PHF24: variants seen among roughly 807,000 people sequenced by gnomAD.
The protein encoded by PHF24 is Galpha inhibitory interacting protein.
A neutral mutation model predicts 42.6 loss-of-function variants in PHF24; 25 were observed. The observed-to-expected ratio is 0.59, with a 90% CI of 0.43 to 0.82. PHF24 has a LOEUF of 0.82. Ranked by LOEUF, PHF24 falls within the 40% of genes least tolerant of loss-of-function variation. The probability of loss-of-function intolerance (pLI) is 0.00; values close to 1 mark genes in which losing one functional copy is unlikely to be tolerated. For synonymous variants in PHF24, 185 were observed against 204.8 expected, an observed-to-expected ratio of 0.90 and a Z score of 0.83; for missense variants, 470 against 538.1, an observed-to-expected ratio of 0.87 and a Z score of 1.25.
At chr9:34,885,275 A>T in the PHF24 span, among the ~76,000 whole-genome samples, 2 of 152,190 alleles carry the variant, frequency 1.3e-5, no homozygotes, top group Non-Finnish European at 2.9e-5. Flanking sequence ...CAGAGGACAG[A>T]CACATCCATG....
chr9:34,760,354 T>G, the PHF24 span, among the ~76,000 whole-genome samples: 3 of 152,192 alleles, frequency 2.0e-5, no homozygotes, highest in African/African-American at 7.2e-5. Context: ...GACTTGTCTC[T>G]CCACATAAGC....
chr9:34,690,261 C>T, the PHF24 span: 2 of 1,614,026 alleles, frequency 1.2e-6, no homozygotes, highest in African/African-American at 2.7e-5. Context: ...GTGGAAGTTC[C>T]TCACGATGTA....
the PHF24 span, chr9:34,922,576 AT>A: frequency 1.6e-4 from 153 of 967,380 alleles, no homozygotes; most frequent in African/African-American, 1.8e-3. Flanking sequence ...AAATAGAAGA[AT>A]TTGCTCTCGC....
At chr9:34,819,901 C>T in the PHF24 span, among the ~76,000 whole-genome samples, 1 of 152,070 alleles carries the variant, frequency 6.6e-6, no homozygotes, top group East Asian at 1.9e-4. Context: ...GGCTGGAAAT[C>T]TTCAATTTTA....
the PHF24 span, among the ~76,000 whole-genome samples, chr9:34,790,617 A>T: frequency 1.3e-5 from 2 of 152,232 alleles, no homozygotes; most frequent in Non-Finnish European, 2.9e-5. Context: ...AACAAAACAA[A>T]ATCCTTGCCC....
chr9:34,666,353 TCTGCC>T, the PHF24 span, among the ~76,000 whole-genome samples: 4 of 152,256 alleles, frequency 2.6e-5, no homozygotes, highest in Admixed American at 2.6e-4. Flanking sequence ...TCCCTGGGCT[TCTGCC>T]CTGCCGAGTG....
At chr9:34,728,726 A>C in the PHF24 span, 1 of 1,369,450 alleles carries the variant, frequency 7.3e-7, no homozygotes, top group African/African-American at 1.4e-5. Flanking sequence ...ATGAGACAAA[A>C]CTTACATACA....
chr9:34,911,617 G>A, the PHF24 span, among the ~76,000 whole-genome samples: 1 of 152,142 alleles, frequency 6.6e-6, no homozygotes, highest in East Asian at 1.9e-4. Context: ...ATAAAAGGAA[G>A]GACAATAGGA....
chr9:34,764,069 G>A, the PHF24 span, among the ~76,000 whole-genome samples: 4 of 152,038 alleles, frequency 2.6e-5, no homozygotes, highest in African/African-American at 7.2e-5. Flanking sequence ...TGGTGGATAA[G>A]CTTTTTGATG....
At chr9:34,976,411 C>A in intron 4 of PHF24, 124 bp from the exon 5 acceptor site, 1 of 1,118,996 alleles carries the variant, frequency 8.9e-7, no homozygotes, top group Non-Finnish European at 1.3e-6. Context: ...GTGACCCTGG[C>A]CATGGGAGGC....
chr9:34,877,151 C>T, the PHF24 span, among the ~76,000 whole-genome samples: 1,095 of 151,758 alleles, frequency 7.2e-3, 16 homozygotes, highest in African/African-American at 0.025. Flanking sequence ...TGTGGTGGCA[C>T]ACGCCTATAA....
chr9:34,868,327 A>G, the PHF24 span, among the ~76,000 whole-genome samples: 2 of 152,234 alleles, frequency 1.3e-5, no homozygotes, highest in Non-Finnish European at 2.9e-5. Flanking sequence ...CATTCATTCA[A>G]CAAAGTATAT....
the PHF24 span, among the ~76,000 whole-genome samples, chr9:34,935,742 GGGGT>G: frequency 6.0e-5 from 9 of 150,792 alleles, no homozygotes; most frequent in African/African-American, 1.2e-4. Flanking sequence ...GTGTGGGGGG[GGGGT>G]GTGTGTGTGT....
In PHF24 at chr9:34,972,367, G is replaced by A. The variant is rs1827023365; in HGVS notation, c.400G>A (p.Asp134Asn). Residue 134 changes from aspartate (D) to asparagine (N), a missense_variant, in exon 3 of 8, where the codon GAT (aspartate) becomes AAT (asparagine). By Grantham distance (23) the Asp-to-Asn change is conservative. Coordinates refer to ENST00000242315, the Ensembl canonical transcript of PHF24. The stretch of plus-strand genomic sequence containing the variant: ...GCAGGTTGTCAACGATGAGATGTGT[G>A]ATGTTTGTGAGGTCTGGACAGCTGA... The A allele has an allele frequency of 1.9e-6, 3 of 1,610,882 alleles. No individual in the cohort carries two copies. In the South Asian group the frequency reaches 3.3e-5, roughly 18 times the overall value.
chr9:34,673,630 T>C, the PHF24 span, among the ~76,000 whole-genome samples: 1 of 151,186 alleles, frequency 6.6e-6, no homozygotes, highest in South Asian at 2.1e-4. Flanking sequence ...CTAATTTTTT[T>C]TTTTTTTTTG....
chr9:34,937,030 G>T, the PHF24 span, among the ~76,000 whole-genome samples: 1 of 145,596 alleles, frequency 6.9e-6, no homozygotes, highest in Non-Finnish European at 1.5e-5. Flanking sequence ...AGGTGGGGGG[G>T]TCAGCCCCCC....
chr9:34,796,978 A>G, the PHF24 span, among the ~76,000 whole-genome samples: 1 of 152,262 alleles, frequency 6.6e-6, no homozygotes, highest in African/African-American at 2.4e-5. Flanking sequence ...TGATAGACCT[A>G]TGCAACAGAA....
chr9:34,735,902 T>C, the PHF24 span, among the ~76,000 whole-genome samples: 1 of 152,096 alleles, frequency 6.6e-6, no homozygotes, highest in Non-Finnish European at 1.5e-5. Flanking sequence ...CTATGTTTGA[T>C]ATGTTAAACG....
At chr9:34,861,932 A>G in the PHF24 span, among the ~76,000 whole-genome samples, 1 of 152,370 alleles carries the variant, frequency 6.6e-6, no homozygotes, top group African/African-American at 2.4e-5. Flanking sequence ...AGGCTGCCAT[A>G]GCAAAATACA....
Sources: allele counts gnomAD v4.1 joint callset (sites outside exome capture counted in the v4.1 genomes callset), GRCh38; gene constraint gnomAD v4.1.1; transcripts MANE v1.5; gene names NCBI Gene and HGNC (gene_info 2026-07-23, HGNC 2026-07-21).